Variants in TMED10 observed in about 807,000 individuals in gnomAD.
The protein encoded by TMED10 is transmembrane emp24 domain-containing protein 10.
In TMED10, 7 loss-of-function variants were observed where a neutral mutation model predicts 23.1. The ratio of observed to expected loss-of-function variants is 0.30; its 90% CI spans 0.17 to 0.57. TMED10 has a LOEUF of 0.57. TMED10 is among the 20% of genes least tolerant of loss of function. The pLI, the probability that TMED10 is intolerant of heterozygous loss-of-function variation, is 0.91. For synonymous variants in TMED10, 113 were observed against 106.9 expected (o/e 1.06, Z -0.35); for missense variants, 162 against 274.8 (o/e 0.59, Z 2.90).
At chr14:75,165,336 T>C (rs1348656748) in intron 1 of TMED10, among the ~76,000 whole-genome samples, 1 of 152,160 alleles carries the variant, frequency 6.6e-6, no homozygotes, top group Admixed American at 6.6e-5. Context: ...CAAGCGATTC[T>C]CCTGCCTCAG....
At chr14:75,174,383 AAT>A (rs1046855956) in intron 1 of TMED10, among the ~76,000 whole-genome samples, 5 of 152,268 alleles carry the variant, frequency 3.3e-5, no homozygotes, top group African/African-American at 1.2e-4. Flanking sequence ...ATCAATAAGC[AAT>A]AGTGAGCCAC....
At chr14:75,152,216 TAG>T (rs1005647718) in intron 1 of TMED10, 73 bp from the exon 2 acceptor site, 2 of 1,180,316 alleles carry the variant, frequency 1.7e-6, no homozygotes, top group Non-Finnish European at 2.5e-6. Flanking sequence ...ACTGGGAAGA[TAG>T]AGACACTATC....
intron 3 of TMED10, among the ~76,000 whole-genome samples, chr14:75,147,390 C>T (rs116255522): frequency 6.6e-6 from 1 of 152,236 alleles, no homozygotes; most frequent in African/African-American, 2.4e-5. Context: ...AACTTGGTGT[C>T]ACCATGTTGA....
At chr14:75,145,046 C>T (rs1895865802) in intron 3 of TMED10, among the ~76,000 whole-genome samples, 1 of 152,198 alleles carries the variant, frequency 6.6e-6, no homozygotes, top group South Asian at 2.1e-4. Flanking sequence ...CATAGCCATT[C>T]CTCCTCTACA....
intron 1 of TMED10, among the ~76,000 whole-genome samples, chr14:75,167,102 TG>T (rs547690029): frequency 5.1e-4 from 78 of 152,118 alleles, no homozygotes; most frequent in African/African-American, 1.6e-3. Context: ...CTACCACGCC[TG>T]GCTAATTTTT....
chr14:75,158,338 A>T (rs1896046088), intron 1 of TMED10, among the ~76,000 whole-genome samples: 1 of 152,052 alleles, frequency 6.6e-6, no homozygotes, highest in African/African-American at 2.4e-5. Flanking sequence ...CTTTATTTTT[A>T]TTTATTTTTG....
rs114859726 is a variant in TMED10, at chr14:75,162,984, C to T, written c.226-10841G>A. On this transcript the variant is annotated intron_variant, in intron 1 of 4. Coordinates refer to ENST00000303575, the MANE Select transcript of TMED10 (RefSeq NM_006827.6). ...CCCACTGGCTCACACCTTGTAACGC[C>T]AGCACTTTAGGAGGCCGAAAGGGGA... Among the ~76,000 whole-genome samples the T allele has an allele frequency of 1.2e-3, 189 of 152,028 alleles. 1 individual carries two copies. The highest frequency in any genetic ancestry group is 4.5e-3 in the African/African-American group (188 of 41,442).
chr14:75,143,180 C>T (rs188434546), intron 3 of TMED10, among the ~76,000 whole-genome samples: 23 of 152,022 alleles, frequency 1.5e-4, no homozygotes, highest in Non-Finnish European at 2.4e-4. Flanking sequence ...TCATGAGGCC[C>T]GCCGCCTAGG....
chr14:75,165,505 C>G (rs1349417396), intron 1 of TMED10, among the ~76,000 whole-genome samples: 2 of 152,164 alleles, frequency 1.3e-5, no homozygotes, highest in East Asian at 3.8e-4. Context: ...GGATTACAGG[C>G]GTGAGCCACC....
intron 3 of TMED10, among the ~76,000 whole-genome samples, chr14:75,146,068 A>G (rs1895880161): frequency 6.6e-6 from 1 of 152,302 alleles, no homozygotes; most frequent in South Asian, 2.1e-4. Context: ...AAATTTTTCA[A>G]TTTACTCAAG....
At chr14:75,147,185 G>GTTTTTTTTTCTTTTTT (rs1895894925) in intron 3 of TMED10, among the ~76,000 whole-genome samples, 1 of 116,634 alleles carries the variant, frequency 8.6e-6, no homozygotes. Context: ...CTTCAAGGCT[G>GTTTTTTTTTCTTTTTT]TTTTTTTTTT....
At chr14:75,159,245 C>T (rs1177292912) in intron 1 of TMED10, among the ~76,000 whole-genome samples, 6 of 152,186 alleles carry the variant, frequency 3.9e-5, no homozygotes, top group African/African-American at 1.2e-4. Flanking sequence ...AAGTTGCAGA[C>T]AACATTGAAC....
At chr14:75,170,308 A>G (rs1165950508) in intron 1 of TMED10, among the ~76,000 whole-genome samples, 1 of 152,174 alleles carries the variant, frequency 6.6e-6, no homozygotes, top group African/African-American at 2.4e-5. Flanking sequence ...CTGCTCACAA[A>G]TGTGTTCTGT....
At chr14:75,139,924 A>C (rs1256460433) in intron 3 of TMED10, among the ~76,000 whole-genome samples, 4 of 152,176 alleles carry the variant, frequency 2.6e-5, no homozygotes, top group Non-Finnish European at 5.9e-5. Flanking sequence ...TTGAATCTAA[A>C]CCTAGAAATC....
chr14:75,141,954 T>C (rs1895827345), intron 3 of TMED10, among the ~76,000 whole-genome samples: 1 of 152,204 alleles, frequency 6.6e-6, no homozygotes, highest in Non-Finnish European at 1.5e-5. Flanking sequence ...ATTCAATACA[T>C]AGCATTGAGG....
chr14:75,149,581 C>A (rs1455162671), intron 2 of TMED10, among the ~76,000 whole-genome samples: 8 of 152,178 alleles, frequency 5.3e-5, no homozygotes, highest in African/African-American at 1.7e-4. Context: ...CACAAAACAA[C>A]TATGGTGAAA....
chr14:75,174,009 G>A (rs774491446), intron 1 of TMED10, among the ~76,000 whole-genome samples: 2 of 152,136 alleles, frequency 1.3e-5, no homozygotes, highest in Non-Finnish European at 2.9e-5. Flanking sequence ...AGGGTTACAG[G>A]CATGACCCAC....
Position 75,146,860 on chromosome 14 carries a change from C to T in TMED10, c.411+804G>A, listed in dbSNP as rs77000501. On this transcript the variant is annotated intron_variant, in intron 3 of 4. Coordinates refer to ENST00000303575, the MANE Select transcript of TMED10 (RefSeq NM_006827.6). ...ACTATCTTTGACTATTGTTATTTCC[C>T]AAACACAAAACAGTTGTTCAAGACT... Among the ~76,000 whole-genome samples, 147 of 152,048 alleles carry T rather than the reference C, an allele frequency of 9.7e-4. 1 individual carries two copies. Among genetic ancestry groups the T allele is most frequent in the African/African-American group, 3.4e-3 (141 of 41,452 alleles).
At chr14:75,155,665 T>G (rs1896012234) in intron 1 of TMED10, among the ~76,000 whole-genome samples, 1 of 152,030 alleles carries the variant, frequency 6.6e-6, no homozygotes, top group African/African-American at 2.4e-5. Flanking sequence ...ACAAGTGCCA[T>G]GGGATTATGG....
Sources: gnomAD v4.1 joint callset for allele counts (sites outside exome capture counted in the v4.1 genomes callset) on GRCh38, gnomAD v4.1.1 for gene constraint, MANE v1.5 for transcripts, NCBI Gene and HGNC (gene_info 2026-07-23, HGNC 2026-07-21) for gene names.